Variants in MCM9 observed in about 807,000 individuals in gnomAD.
MCM9 encodes the protein DNA helicase MCM9.
In MCM9, 55 loss-of-function variants were observed where a neutral mutation model predicts 72.8. The observed-to-expected ratio is 0.76, with a 90% confidence interval of 0.61 to 0.95. The LOEUF (loss-of-function observed/expected upper bound fraction) is 0.95, where lower values mean the gene tolerates loss of function less well. MCM9 is among the 40% of genes least tolerant of loss of function. MCM9 has a pLI of 0.00. For missense variants in MCM9, 1,279 were observed against 1,377.0 expected (o/e 0.93, Z 1.13); for synonymous variants, 480 against 503.4 (o/e 0.95, Z 0.62).
intron 9 of MCM9, among the ~76,000 whole-genome samples, chr6:118,840,754 T>G (rs1371331314): frequency 2.6e-4 from 37 of 142,680 alleles, no homozygotes; most frequent in Middle Eastern, 6.9e-3. Context: ...TTTTTTTTTT[T>G]TGAGACAGGG....
intron 9 of MCM9, among the ~76,000 whole-genome samples, chr6:118,833,504 C>T (rs554465209): frequency 2.6e-5 from 4 of 152,204 alleles, no homozygotes; most frequent in East Asian, 3.9e-4. Context: ...ACTACACACA[C>T]AACAGCTGAG....
chr6:118,828,670 C>A (rs1453648007), intron 10 of MCM9, among the ~76,000 whole-genome samples: 1 of 152,192 alleles, frequency 6.6e-6, no homozygotes, highest in Non-Finnish European at 1.5e-5. Flanking sequence ...CAGGCGTGAG[C>A]CACCACGCCC....
At chr6:118,892,082 T>C (rs1040757866) in intron 8 of MCM9, among the ~76,000 whole-genome samples, 1 of 152,218 alleles carries the variant, frequency 6.6e-6, no homozygotes, top group African/African-American at 2.4e-5. Context: ...ATTAGAAATA[T>C]GCCAGGACAT....
chr6:118,903,045 T>G (rs1779911816), intron 8 of MCM9, among the ~76,000 whole-genome samples: 1 of 152,192 alleles, frequency 6.6e-6, no homozygotes, highest in South Asian at 2.1e-4. Context: ...CTACTTAAAT[T>G]TGCTCAAACT....
chr6:118,902,429 AAGC>A (rs1779862669), intron 8 of MCM9, among the ~76,000 whole-genome samples: 1 of 152,158 alleles, frequency 6.6e-6, no homozygotes, highest in East Asian at 1.9e-4. Flanking sequence ...TTATATAAAA[AAGC>A]AGGACTTGCT....
At chr6:118,865,620 A>G (rs1583472551) in intron 8 of MCM9, among the ~76,000 whole-genome samples, 1 of 152,328 alleles carries the variant, frequency 6.6e-6, no homozygotes, top group Non-Finnish European at 1.5e-5. Flanking sequence ...GGGAGCTAAC[A>G]GGGCAAACAA....
In MCM9 at chr6:118,814,967, G is replaced by A. The variant is rs1298913510; in HGVS notation, c.3289C>T (p.Arg1097Cys). ...TGAAAAGATTTCCTTTTACTGACAC[G>A]CATTGGAGCTGTGGTTGTAGGAGGG... is the stretch of plus-strand genomic sequence containing the variant. ...SSPPTTTAPMRVSKRKSFQLR... is the reference protein window; with the variant it reads ...SSPPTTTAPMCVSKRKSFQLR... The change falls in exon 14 of 14, where the codon CGT (arginine) becomes TGT (cysteine). Residue 1097 changes from arginine to cysteine, a missense_variant. By Grantham distance (180) the Arg-to-Cys change is radical. Transcript: ENST00000619706. 3.2e-6 allele frequency: 5 copies of A among 1,550,306 alleles called. No homozygotes were observed. The highest frequency in any genetic ancestry group is 2.0e-5 in the Admixed American group (1 of 50,966).
intron 8 of MCM9, among the ~76,000 whole-genome samples, chr6:118,894,829 C>CCTGAGGTCGCGCCGGG: frequency 6.6e-6 from 1 of 152,190 alleles, no homozygotes. Flanking sequence ...CGCTGCGCCG[C>CCTGAGGTCGCGCCGGG]CTGAGGTCGC....
intron 8 of MCM9, among the ~76,000 whole-genome samples, chr6:118,889,698 T>G (rs982422641): frequency 1.3e-5 from 2 of 152,172 alleles, no homozygotes; most frequent in African/African-American, 4.8e-5. Context: ...TTATTAGGCA[T>G]TTCCCTTCAA....
chr6:118,872,832 G>GTAAGCAGAAAAAAAAATT lies in MCM9; in HGVS notation c.1151-16305_1151-16288dup, dbSNP rs531932972. Among the ~76,000 whole-genome samples the GTAAGCAGAAAAAAAAATT allele has an allele frequency of 2.9e-3, 440 of 151,774 alleles. 1 individual carries two copies. Among genetic ancestry groups the GTAAGCAGAAAAAAAAATT allele is most frequent in the Non-Finnish European group, 5.1e-3 (346 of 67,892 alleles). On this transcript the variant is annotated intron_variant, in intron 8 of 13. Transcript: ENST00000619706. Reference sequence around the variant, plus strand: ...AAAGGAAGGCCAAATGAAATACAAAGTAAGCAGAAAAAAAAATTTAATCAG... The same window carrying GTAAGCAGAAAAAAAAATT: ...AAAGGAAGGCCAAATGAAATACAAAGTAAGCAGAAAAAAAAATTTAAGCAGAAAAAAAAATTTAATCAG...
intron 4 of MCM9, among the ~76,000 whole-genome samples, chr6:118,923,315 G>A (rs12196440): frequency 0.067 from 9,901 of 148,110 alleles, 464 homozygotes; most frequent in East Asian, 0.19. Flanking sequence ...ACAGGGTCTC[G>A]CTCTGTCAAC....
chr6:118,827,931 T>C lies in MCM9; in HGVS notation c.1728A>G (p.Ala576=). The part of the protein sequence containing the change: ...IRLLESLIRL[A]EAHARLMFRD... ...CATTCGCTGAATGAAATAGACCTTC[T>C]GCTAATCGTATCAAGCTTTCCAACA... Residue 576 remains alanine, a synonymous_variant, in exon 11 of 14, where the codon GCA becomes GCG. Coordinates refer to ENST00000619706, the MANE Select transcript of MCM9 (RefSeq NM_017696.3). 6.4e-7 allele frequency: 1 copy of C among 1,550,906 alleles called. No individual in the cohort carries two copies. The highest frequency in any genetic ancestry group is 8.7e-7 in the Non-Finnish European group (1 of 1,147,044).
intron 9 of MCM9, among the ~76,000 whole-genome samples, chr6:118,831,133 G>A (rs1043063913): frequency 2.7e-4 from 41 of 151,994 alleles, no homozygotes; most frequent in African/African-American, 8.9e-4. Flanking sequence ...CTGGTGGATC[G>A]CCAGAGCTCA....
At chr6:118,879,964 A>T (rs1778181029) in intron 8 of MCM9, among the ~76,000 whole-genome samples, 1 of 151,970 alleles carries the variant, frequency 6.6e-6, no homozygotes, top group African/African-American at 2.4e-5. Context: ...GAATCACTTG[A>T]ACCTGGGAGG....
rs1401548290 is a variant in MCM9, at chr6:118,814,846, T to C, written c.3410A>G (p.Glu1137Gly). 13 of 1,515,134 alleles carry C rather than the reference T, an allele frequency of 8.6e-6. No individual in the cohort carries two copies. The highest frequency in any genetic ancestry group is 1.4e-5 in the African/African-American group (1 of 71,234). 93.9% of individuals were successfully genotyped at this position (1,515,134 alleles called of 1,614,324 possible). The change falls in exon 14 of 14, where the codon GAA becomes GGA. Residue 1137 changes from glutamate (E) to glycine (G), a missense_variant. Transcript: ENST00000619706. ...GDEAFDCDWD[E>G]EMRKKS ...CAACTATGACTTTTTTCTCATCTCT[T>C]CATCCCAGTCACAATCAAATGCTTC...
intron 8 of MCM9, among the ~76,000 whole-genome samples, chr6:118,892,474 AGACT>A (rs1476686185): frequency 1.3e-5 from 2 of 152,218 alleles, no homozygotes; most frequent in Admixed American, 6.5e-5. Flanking sequence ...CGTTTTCATG[AGACT>A]GACTAGACTC....
At chr6:118,896,476 T>G (rs578117118) in intron 8 of MCM9, among the ~76,000 whole-genome samples, 1 of 152,258 alleles carries the variant, frequency 6.6e-6, no homozygotes, top group East Asian at 1.9e-4. Context: ...TTACATTGCA[T>G]AGATGAAACC....
intron 13 of MCM9, among the ~76,000 whole-genome samples, chr6:118,825,185 A>G (rs1415613548): frequency 6.6e-6 from 1 of 152,178 alleles, no homozygotes; most frequent in East Asian, 1.9e-4. Context: ...ACATCAAATC[A>G]TAAACAACCC....
At chr6:118,816,817 G>C (rs1226441225) in intron 13 of MCM9, among the ~76,000 whole-genome samples, 1 of 151,578 alleles carries the variant, frequency 6.6e-6, no homozygotes, top group Non-Finnish European at 1.5e-5. Context: ...GAGTGCATCT[G>C]AGCAGTCACC....
Sources: allele counts gnomAD v4.1 joint callset (sites outside exome capture counted in the v4.1 genomes callset), GRCh38; gene constraint gnomAD v4.1.1; transcripts MANE v1.5; gene names NCBI Gene and HGNC (gene_info 2026-07-23, HGNC 2026-07-21).